Variants in ANKRD36C observed in about 807,000 individuals in gnomAD.
The protein encoded by ANKRD36C is ankyrin repeat domain-containing protein 36C.
A neutral mutation model predicts 276.4 loss-of-function variants in ANKRD36C; 61 were observed. The observed-to-expected ratio is 0.22, with a 90% CI of 0.18 to 0.27. ANKRD36C has a LOEUF of 0.27. ANKRD36C is among the 10% of genes least tolerant of loss of function. The pLI, the probability that ANKRD36C is intolerant of heterozygous loss-of-function variation, is 1.00. For synonymous variants in ANKRD36C, 483 were observed against 680.1 expected (o/e 0.71, Z 4.51); for missense variants, 1,447 against 2,032.3 (o/e 0.71, Z 5.54).
rs1678744208 is a variant in ANKRD36C at position 95,973,694 on chromosome 2, C to G, written c.799+4428G>C. ...TGAGTTATCCACTTCTGCTCCCAAA[C>G]AGTGGGTTTTTCTTATTAAGGGCCA... On this transcript the variant is annotated intron_variant, in intron 6 of 66. Transcript: ENST00000456556. Among the ~76,000 whole-genome samples, 3 of 152,112 alleles carry G rather than the reference C, an allele frequency of 2.0e-5. No homozygotes were observed. The South Asian group carries it at 6.2e-4, about 32-fold the overall frequency.
At chr2:95,892,027 G>C (rs534000957) in intron 44 of ANKRD36C, among the ~76,000 whole-genome samples, 167 bp from the exon 65 acceptor site, 1 of 151,648 alleles carries the variant, frequency 6.6e-6, no homozygotes, top group South Asian at 2.1e-4. Flanking sequence ...AATACGCTGA[G>C]AAAAGGGAAT....
At position 95,854,430 on chromosome 2, in the gene ANKRD36C, G is replaced by A. The variant is rs1055986410; in HGVS notation, c.4996-569C>T. Among the ~76,000 whole-genome samples the A allele has an allele frequency of 9.9e-5, 15 of 151,974 alleles. No homozygotes were observed. The East Asian group carries it at 1.6e-3, about 16-fold the overall frequency. On this transcript the variant is annotated intron_variant, in intron 63 of 66. Transcript: ENST00000456556. ...CTCTACGTGAATCCTGCCACTCCTC[G>A]TTAGTCTGAAATCCTCCTTAGTCTG...
At chr2:95,926,916 C>G (rs537332205) in intron 28 of ANKRD36C, among the ~76,000 whole-genome samples, 2 of 151,650 alleles carry the variant, frequency 1.3e-5, no homozygotes, top group East Asian at 3.9e-4. Context: ...CTCCATCCAC[C>G]CTTGGTGAAA....
intron 6 of ANKRD36C, among the ~76,000 whole-genome samples, chr2:95,976,768 C>A (rs1329582978): frequency 6.6e-6 from 1 of 152,094 alleles, no homozygotes; most frequent in African/African-American, 2.4e-5. Context: ...GAAAAGGGTA[C>A]CGCCAAAGAG....
intron 6 of ANKRD36C, among the ~76,000 whole-genome samples, chr2:95,969,952 G>C (rs925033911): frequency 6.6e-6 from 1 of 151,912 alleles, no homozygotes; most frequent in African/African-American, 2.4e-5. Flanking sequence ...TACACATAGA[G>C]TTCAGCACTA....
chr2:95,878,140 T>C (rs1242700212), intron 58 of ANKRD36C, among the ~76,000 whole-genome samples: 7 of 147,186 alleles, frequency 4.8e-5, no homozygotes, highest in African/African-American at 1.8e-4. Context: ...GCCGAGATTG[T>C]GCCATTACAC....
intron 30 of ANKRD36C, among the ~76,000 whole-genome samples, chr2:95,924,571 TA>T (rs1677356395): frequency 1.3e-5 from 2 of 151,676 alleles, no homozygotes; most frequent in African/African-American, 2.4e-5. Context: ...GAATTTTCAC[TA>T]AATAGCTATT....
chr2:95,891,206 A>G (rs948394403), intron 46 of ANKRD36C, among the ~76,000 whole-genome samples: 4 of 151,358 alleles, frequency 2.6e-5, no homozygotes, highest in African/African-American at 9.7e-5. Flanking sequence ...CTGCCTCACA[A>G]TCCGTCTTCC....
At chr2:95,915,877 G>T in intron 38 of ANKRD36C, 103 bp downstream of exon 40, 1 of 1,418,196 alleles carries the variant, frequency 7.1e-7, no homozygotes, top group East Asian at 2.5e-5. Flanking sequence ...CAGGCCTGTT[G>T]AATCAGAATG....
At position 95,972,508 on chromosome 2, in the gene ANKRD36C, C is replaced by T. The variant is rs1038991586; in HGVS notation, c.799+5614G>A. Among the ~76,000 whole-genome samples the T allele has an allele frequency of 5.9e-5, 9 of 152,264 alleles. No individual in the cohort carries two copies. In the East Asian group the frequency reaches 9.6e-4, roughly 16 times the overall value. On this transcript the variant is annotated intron_variant, in intron 6 of 66. Transcript: ENST00000456556. The stretch of plus-strand genomic sequence containing the variant: ...TTGCCACATGCCCCTTTGCCCTGAG[C>T]CAATTTTACTATGTATTCTTTCACT...
At chr2:95,872,510 C>T (rs1292086693) in intron 59 of ANKRD36C, among the ~76,000 whole-genome samples, 1 of 151,932 alleles carries the variant, frequency 6.6e-6, no homozygotes, top group African/African-American at 2.4e-5. Flanking sequence ...GGGACACATT[C>T]AAAGCAGTGT....
At chr2:95,928,737 A>G (rs1375982945) in intron 26 of ANKRD36C, among the ~76,000 whole-genome samples, 1 of 151,390 alleles carries the variant, frequency 6.6e-6, no homozygotes. Flanking sequence ...TATAATATCT[A>G]TTACTTCATC....
At chr2:95,862,680 T>G (rs1236206554) in intron 60 of ANKRD36C, among the ~76,000 whole-genome samples, 2 of 151,528 alleles carry the variant, frequency 1.3e-5, no homozygotes, top group Admixed American at 6.6e-5. Flanking sequence ...AAACATCTGC[T>G]GTGGTCTGAA....
At chr2:95,891,522 C>G (rs1451434011) in intron 46 of ANKRD36C, 143 bp downstream of exon 66, 6 of 1,192,740 alleles carry the variant, frequency 5.0e-6, no homozygotes, top group Non-Finnish European at 4.6e-6. Context: ...CATCATCACC[C>G]AAGAACTTAT....
intron 34 of ANKRD36C, among the ~76,000 whole-genome samples, chr2:95,921,239 A>G (rs1286389738): frequency 6.6e-6 from 1 of 150,644 alleles, no homozygotes; most frequent in Non-Finnish European, 1.5e-5. Context: ...TCTCAGCAGT[A>G]CGATGTGATG....
At chr2:95,971,901 C>G (rs1432577223) in intron 6 of ANKRD36C, among the ~76,000 whole-genome samples, 2 of 152,036 alleles carry the variant, frequency 1.3e-5, no homozygotes, top group East Asian at 3.8e-4. Context: ...TGTATAGAAA[C>G]CTGTTAAATA....
chr2:95,872,202 A>G (rs1166406028), intron 59 of ANKRD36C, among the ~76,000 whole-genome samples: 31 of 143,026 alleles, frequency 2.2e-4, no homozygotes, highest in African/African-American at 7.4e-4. Flanking sequence ...ACCCCAAATC[A>G]ACAGAATATA....
At chr2:95,965,124 G>A (rs1299144798) in intron 6 of ANKRD36C, among the ~76,000 whole-genome samples, 1 of 151,626 alleles carries the variant, frequency 6.6e-6, no homozygotes, top group Non-Finnish European at 1.5e-5. Context: ...GAAGAGCAGA[G>A]TGCCATGAGA....
At chr2:95,980,547 G>C in intron 5 of ANKRD36C, 101 bp downstream of exon 5, 5 of 1,415,656 alleles carry the variant, frequency 3.5e-6, no homozygotes, top group Non-Finnish European at 4.7e-6. Context: ...AAAACTACTT[G>C]AATCAAACTA....
Sources: gnomAD v4.1 joint callset for allele counts (sites outside exome capture counted in the v4.1 genomes callset) on GRCh38, gnomAD v4.1.1 for gene constraint, MANE v1.5 for transcripts, NCBI Gene and HGNC (gene_info 2026-07-23, HGNC 2026-07-21) for gene names.